Variants in USH2A observed in about 807,000 individuals in gnomAD.
USH2A encodes Usher syndrome 2A (autosomal recessive, mild).
Under a neutral mutation model 538.9 loss-of-function variants are expected in USH2A, and 443 were observed. The ratio of observed to expected loss-of-function variants is 0.82; its 90% CI spans 0.76 to 0.89. The LOEUF is 0.89. Ranked by LOEUF, USH2A falls within the 40% of genes least tolerant of loss-of-function variation. The pLI, the probability that USH2A is intolerant of heterozygous loss-of-function variation, is 0.00. For missense variants in USH2A, 6,633 were observed against 6,324.8 expected (o/e 1.05, Z -1.65); for synonymous variants, 2,413 against 2,273.5 (o/e 1.06, Z -1.75).
intron 9 of USH2A, among the ~76,000 whole-genome samples, chr1:216,296,101 G>A (rs1428903481): frequency 5.3e-5 from 8 of 151,970 alleles, no homozygotes; most frequent in Non-Finnish European, 7.4e-5. Flanking sequence ...TGAAAACAAA[G>A]TGAGTTTTTT....
chr1:216,239,741 A>T (rs1331714580), intron 13 of USH2A, among the ~76,000 whole-genome samples: 3 of 152,178 alleles, frequency 2.0e-5, no homozygotes, highest in African/African-American at 7.2e-5. Flanking sequence ...CTACTTGAAT[A>T]GTCCAGGAAC....
intron 61 of USH2A, among the ~76,000 whole-genome samples, chr1:215,694,716 T>C (rs1427498197): frequency 6.6e-6 from 1 of 152,248 alleles, no homozygotes; most frequent in Non-Finnish European, 1.5e-5. Context: ...TATCTGTCTC[T>C]TCACTTGTTT....
rs1668340186 is a variant in USH2A, at chr1:216,004,281, G to A, written c.6326-3719C>T. 2.6e-5 allele frequency among the ~76,000 whole-genome samples: 4 copies of A among 152,186 alleles called. No homozygotes were observed. In the South Asian group the frequency reaches 6.2e-4, roughly 24 times the overall value. On this transcript the variant is annotated intron_variant, in intron 32 of 71. Coordinates refer to ENST00000307340, the MANE Select transcript of USH2A (RefSeq NM_206933.4). ...CATATAGATGGCTAGGAGTGCAAACGGAGTGAGAATAGATATAAAAGAGAA... is the reference window on the plus strand; with the variant it reads ...CATATAGATGGCTAGGAGTGCAAACAGAGTGAGAATAGATATAAAAGAGAA...
At chr1:216,099,567 G>A (rs938321940) in intron 21 of USH2A, among the ~76,000 whole-genome samples, 5 of 152,148 alleles carry the variant, frequency 3.3e-5, no homozygotes, top group African/African-American at 9.7e-5. Context: ...GGGAGGAGAC[G>A]TAACTTAGCT....
At chr1:215,946,187 A>G (rs953512191) in intron 37 of USH2A, among the ~76,000 whole-genome samples, 16 of 152,174 alleles carry the variant, frequency 1.1e-4, no homozygotes, top group Non-Finnish European at 2.4e-4. Context: ...GATCCAAACT[A>G]TTACAGAATC....
At chr1:215,921,480 A>T (rs553578027) in intron 38 of USH2A, among the ~76,000 whole-genome samples, 3 of 152,160 alleles carry the variant, frequency 2.0e-5, no homozygotes, top group African/African-American at 7.2e-5. Context: ...AACAGGATTT[A>T]AAAACCTACT....
At chr1:216,217,238 T>C (rs557721799) in intron 15 of USH2A, 149 bp downstream of exon 15, 1 of 874,890 alleles carries the variant, frequency 1.1e-6, no homozygotes, top group East Asian at 2.7e-5. Context: ...ACATATTTCA[T>C]TCAGTGTATT....
chr1:216,362,741 G>A (rs993251754), intron 4 of USH2A, among the ~76,000 whole-genome samples: 7 of 151,666 alleles, frequency 4.6e-5, no homozygotes, highest in Admixed American at 6.6e-5. Flanking sequence ...CCAGGAGTTC[G>A]AGACCAGCCT....
chr1:216,284,044 T>C (rs2102599001), intron 11 of USH2A, among the ~76,000 whole-genome samples: 1 of 152,274 alleles, frequency 6.6e-6, no homozygotes, highest in South Asian at 2.1e-4. Flanking sequence ...CTAATGATGT[T>C]AATATGACTC....
chr1:215,635,748 G>T (rs1446026088), intron 69 of USH2A, among the ~76,000 whole-genome samples: 2 of 151,796 alleles, frequency 1.3e-5, no homozygotes, highest in Non-Finnish European at 2.9e-5. Flanking sequence ...TAGAGATGGG[G>T]TTTCACCATG....
intron 16 of USH2A, 67 bp downstream of exon 16, chr1:216,207,206 T>C: frequency 3.8e-6 from 6 of 1,591,164 alleles, no homozygotes; most frequent in Non-Finnish European, 5.2e-6. Flanking sequence ...ATCCTCAATG[T>C]CAAAGAACTT....
intron 32 of USH2A, among the ~76,000 whole-genome samples, chr1:216,015,299 G>A (rs7519920): frequency 0.15 from 22,757 of 152,186 alleles, 1,786 homozygotes; most frequent in Middle Eastern, 0.23. Context: ...GCAATGAGCT[G>A]CGCCAGAATG....
At chr1:216,367,721 T>C (rs958549166) in intron 3 of USH2A, among the ~76,000 whole-genome samples, 9 of 152,146 alleles carry the variant, frequency 5.9e-5, no homozygotes, top group African/African-American at 2.2e-4. Flanking sequence ...TCTTCCTTGG[T>C]TTTTCTGCAC....
At chr1:215,999,983 A>G (rs1038053933) in intron 33 of USH2A, among the ~76,000 whole-genome samples, 4 of 152,174 alleles carry the variant, frequency 2.6e-5, no homozygotes, top group Non-Finnish European at 4.4e-5. Context: ...CAGTAATACC[A>G]GAAATCATCA....
intron 17 of USH2A, among the ~76,000 whole-genome samples, chr1:216,199,206 A>T (rs969255030): frequency 6.6e-6 from 1 of 152,186 alleles, no homozygotes; most frequent in Non-Finnish European, 1.5e-5. Flanking sequence ...AACTTAATGG[A>T]GTCAGTTAGC....
chr1:216,422,129 A>G lies in USH2A; in HGVS notation c.208T>C (p.Ser70Pro). ...LPDRSTFCHSSAAAESIQFCT... is the reference protein window; with the variant it reads ...LPDRSTFCHSPAAAESIQFCT... ...AACTGAATACTTTCAGCAGCAGCAG[A>G]GCTGTGACAAAAAGTGCTTCGGTCT... The change falls in exon 2 of 72, where the codon TCT (serine) becomes CCT (proline). Residue 70 changes from serine (S) to proline (P), a missense_variant. Physicochemically the swap from Ser to Pro is moderately conservative, Grantham distance 74. Transcript: ENST00000307340. 6.2e-7 allele frequency: 1 copy of G among 1,613,844 alleles called. No individual in the cohort carries two copies. The highest frequency in any genetic ancestry group is 2.2e-5 in the East Asian group (1 of 44,822).
At chr1:216,324,501 T>C in intron 6 of USH2A, 149 bp from the exon 7 acceptor site, 2 of 754,270 alleles carry the variant, frequency 2.7e-6, no homozygotes, top group Non-Finnish European at 2.1e-6. Flanking sequence ...AGAAACTTCA[T>C]AGCCCTGTGG....
Position 216,242,811 on chromosome 1 carries a change from G to A in USH2A, c.2809+3774C>T, listed in dbSNP as rs550514183. 1.7e-3 allele frequency among the ~76,000 whole-genome samples: 265 copies of A among 152,232 alleles called. 1 individual carries two copies. The highest frequency in any genetic ancestry group is 5.8e-3 in the African/African-American group (241 of 41,542). ...CTTAGCAAGAAAGAAACATAATTGA[G>A]TAGAGCCACAGATCCAAAAATCATC... On this transcript the variant is annotated intron_variant, in intron 13 of 71. Coordinates refer to ENST00000307340, the MANE Select transcript of USH2A (RefSeq NM_206933.4).
At chr1:216,116,811 A>G (rs1423597352) in intron 21 of USH2A, among the ~76,000 whole-genome samples, 1 of 151,934 alleles carries the variant, frequency 6.6e-6, no homozygotes, top group Admixed American at 6.6e-5. Context: ...GTGCTGGCTA[A>G]TCTAACATTA....
Sources: allele counts gnomAD v4.1 joint callset (sites outside exome capture counted in the v4.1 genomes callset), GRCh38; gene constraint gnomAD v4.1.1; transcripts MANE v1.5; gene names NCBI Gene and HGNC (gene_info 2026-07-23, HGNC 2026-07-21).